The following ATP10D variants were observed in gnomAD, a reference collection of about 807,000 sequenced individuals.
The protein encoded by ATP10D is ATPase phospholipid transporting 10D (putative), also known as phospholipid-transporting ATPase VD.
A neutral mutation model predicts 144.8 loss-of-function variants in ATP10D; 89 were observed. That is an observed-to-expected ratio of 0.61 (90% CI 0.52 to 0.73). ATP10D has a LOEUF of 0.73. Among genes scored for constraint, ATP10D ranks in the 30% least tolerant of loss-of-function variants. ATP10D has a pLI of 0.00. For synonymous variants in ATP10D, 571 were observed against 615.1 expected (o/e 0.93, Z 1.06); for missense variants, 1,603 against 1,714.8 (o/e 0.93, Z 1.15).
intron 18 of ATP10D, among the ~76,000 whole-genome samples, chr4:47,575,600 C>A (rs372267233): frequency 6.6e-6 from 1 of 152,150 alleles, no homozygotes; most frequent in African/African-American, 2.4e-5. Context: ...CATGTCTGTG[C>A]CAGGCACTGG....
intron 10 of ATP10D, among the ~76,000 whole-genome samples, chr4:47,550,834 C>T (rs1048256541): frequency 5.9e-5 from 9 of 152,066 alleles, no homozygotes; most frequent in East Asian, 1.9e-4. Flanking sequence ...TGGAAGTCAG[C>T]GGCGGGTCTG....
chr4:47,523,164 A>T lies in ATP10D; in HGVS notation c.638A>T (p.Asp213Val). Residue 213 changes from aspartate to valine, a missense_variant, in exon 4 of 23, where the codon GAT becomes GTT. Transcript: ENST00000273859. The part of the protein sequence containing the change: ...GICHIETSGL[D>V]GESNLKQRQV... ...TGTCACATTGAGACTTCTGGTCTTG[A>T]TGGAGAGAGCAATTTAAAACAGAGG... is the stretch of plus-strand genomic sequence containing the variant. 1 of 1,614,060 alleles carries T rather than the reference A, an allele frequency of 6.2e-7. No individual in the cohort carries two copies. The highest frequency in any genetic ancestry group is 8.5e-7 in the Non-Finnish European group (1 of 1,180,002).
chr4:47,573,018 T>G (rs1463635588), intron 18 of ATP10D, 21 bp downstream of exon 18: 2 of 1,613,454 alleles, frequency 1.2e-6, no homozygotes, highest in Admixed American at 3.3e-5. Context: ...CCAGAGAATT[T>G]GTCCCTTTTC....
In ATP10D at chr4:47,515,615, C is replaced by G; in HGVS notation, c.430C>G (p.Arg144Gly). The change falls in exon 3 of 23, where the codon CGG becomes GGG. Residue 144 changes from arginine (R) to glycine (G), a missense_variant. Coordinates refer to ENST00000273859, the MANE Select transcript of ATP10D (RefSeq NM_020453.4). ...IAIKDGLEDY[R>G]KYKIDKQINN... is the part of the protein sequence containing the mutation. ...AATTAAAGATGGCCTGGAAGATTAT[C>G]GGAAATACAAAATTGACAAACAGAT... 2.5e-6 allele frequency: 4 copies of G among 1,612,096 alleles called. No homozygotes were observed. The highest frequency in any genetic ancestry group is 3.4e-6 in the Non-Finnish European group (4 of 1,178,388).
Position 47,591,397 on chromosome 4 carries a change from T to C in ATP10D, c.*16T>C. 2 of 1,551,290 alleles carry C rather than the reference T, an allele frequency of 1.3e-6. No individual in the cohort carries two copies. Among genetic ancestry groups the C allele is most frequent in the Non-Finnish European group, 1.7e-6 (2 of 1,147,384 alleles). ...AGAAAGCTAGATACCCTCCTTGGAG[T>C]TGCAAGTATTCTTTCAAGGTTGGAA... On this transcript the variant is annotated 3_prime_UTR_variant, in exon 23 of 23. Coordinates refer to ENST00000273859, the MANE Select transcript of ATP10D (RefSeq NM_020453.4).
At chr4:47,586,058 T>C (rs897697227) in intron 21 of ATP10D, among the ~76,000 whole-genome samples, 11 of 152,356 alleles carry the variant, frequency 7.2e-5, no homozygotes, top group African/African-American at 2.4e-4. Flanking sequence ...TTTAGTTTTT[T>C]GAGGAACCTC....
chr4:47,491,710 C>CCCTCCTTG (rs1451090112), intron 1 of ATP10D, among the ~76,000 whole-genome samples: 7 of 152,272 alleles, frequency 4.6e-5, no homozygotes, highest in African/African-American at 1.7e-4. Context: ...ACAGTCTCCA[C>CCCTCCTTG]CCTCCTTGCC....
At position 47,546,713 on chromosome 4, in the gene ATP10D, C is replaced by T. The variant is rs1178198907; in HGVS notation, c.1486C>T (p.Pro496Ser). Reference sequence around the variant, plus strand: ...TGGTTCCCTCAGCAATATGGCAAAACCGAGAGCCCCCAGCTGCAGGACAGT... The same window carrying T: ...TGGTTCCCTCAGCAATATGGCAAAATCGAGAGCCCCCAGCTGCAGGACAGT... The part of the protein sequence containing the change: ...VSGSLSNMAK[P>S]RAPSCRTVHN... The change falls in exon 10 of 23, where the codon CCG becomes TCG. Residue 496 changes from proline (P) to serine (S), a missense_variant. Pro to Ser is a moderately conservative substitution (Grantham distance 74, BLOSUM62 -1). Coordinates refer to ENST00000273859, the MANE Select transcript of ATP10D (RefSeq NM_020453.4). 5.6e-6 allele frequency: 9 copies of T among 1,614,074 alleles called. No homozygotes were observed. Among genetic ancestry groups the T allele is most frequent in the Non-Finnish European group, 6.8e-6 (8 of 1,179,972 alleles).
intron 1 of ATP10D, among the ~76,000 whole-genome samples, chr4:47,497,221 T>A (rs1715433883): frequency 6.6e-6 from 1 of 152,136 alleles, no homozygotes; most frequent in Admixed American, 6.5e-5. Flanking sequence ...TTTAGGAGGC[T>A]GAGGTGGGCA....
intron 19 of ATP10D, 61 bp from the exon 20 acceptor site, chr4:47,580,337 T>C (rs1720447381): frequency 1.5e-6 from 2 of 1,306,644 alleles, no homozygotes. Context: ...TGGCTTGTGT[T>C]GTTTCTTTTC....
chr4:47,536,047 G>T lies in ATP10D; in HGVS notation c.1015+14G>T. 1 of 1,595,998 alleles carries T rather than the reference G, an allele frequency of 6.3e-7. No homozygotes were observed. The highest frequency in any genetic ancestry group is 1.1e-5 in the South Asian group (1 of 87,230). On this transcript the variant is annotated intron_variant, in intron 7 of 22. Transcript: ENST00000273859. ...CTGGCGCAGTAGGTAGGTAAAATTT[G>T]ATTATTTGCTGACATCTTTTCAGCA...
In ATP10D at chr4:47,557,948, C is replaced by T; in HGVS notation, c.2109C>T (p.Gly703=). 1 of 1,614,176 alleles carries T rather than the reference C, an allele frequency of 6.2e-7. No individual in the cohort carries two copies. Among genetic ancestry groups the T allele is most frequent in the Non-Finnish European group, 8.5e-7 (1 of 1,180,030 alleles). ...TETEKQHGDA[G]LLNGKAESLP... is the part of the protein sequence containing the mutation. ...CAGAGAAACAACACGGTGATGCAGG[C>T]CTCCTGAATGGCAAGGCAGAGTCCC... Residue 703 remains glycine (G), a synonymous_variant, in exon 12 of 23, where the codon GGC becomes GGT. Coordinates refer to ENST00000273859, the MANE Select transcript of ATP10D (RefSeq NM_020453.4).
chr4:47,523,114 C>T lies in ATP10D; in HGVS notation c.588C>T (p.Leu196=). ...NEVIPADMVL[L]FSTDPDGICH... is the part of the protein sequence containing the mutation. ...TCATCCCTGCAGACATGGTACTACT[C>T]TTTTCCACTGATCCAGATGGAATCT... is the stretch of plus-strand genomic sequence containing the variant. The change falls in exon 4 of 23, where the codon CTC becomes CTT. Residue 196 remains leucine, a synonymous_variant. Transcript: ENST00000273859. 6.2e-7 allele frequency: 1 copy of T among 1,614,038 alleles called. No homozygotes were observed. Among genetic ancestry groups the T allele is most frequent in the Non-Finnish European group, 8.5e-7 (1 of 1,179,988 alleles).
At chr4:47,499,574 G>T (rs1035720965) in intron 1 of ATP10D, among the ~76,000 whole-genome samples, 1 of 152,098 alleles carries the variant, frequency 6.6e-6, no homozygotes, top group Non-Finnish European at 1.5e-5. Flanking sequence ...AAAACCTTAT[G>T]GAAATGCTTT....
intron 10 of ATP10D, among the ~76,000 whole-genome samples, chr4:47,553,656 T>C (rs1171608592): frequency 6.6e-6 from 1 of 152,222 alleles, no homozygotes; most frequent in African/African-American, 2.4e-5. Context: ...TTAAGTAAGC[T>C]GCCCAAGACC....
intron 18 of ATP10D, among the ~76,000 whole-genome samples, chr4:47,573,692 A>G (rs1310825638): frequency 6.6e-6 from 1 of 152,190 alleles, no homozygotes; most frequent in Admixed American, 6.5e-5. Flanking sequence ...TGGGGTAATT[A>G]TGTAAATATC....
chr4:47,560,729 AGTTAAAGG>A (rs1404644204), intron 13 of ATP10D, among the ~76,000 whole-genome samples: 1 of 152,158 alleles, frequency 6.6e-6, no homozygotes, highest in Non-Finnish European at 1.5e-5. Context: ...AGAGATGCTG[AGTTAAAGG>A]GTCATCCATC....
chr4:47,505,433 G>A (rs944441173), intron 1 of ATP10D, among the ~76,000 whole-genome samples: 1 of 152,132 alleles, frequency 6.6e-6, no homozygotes, highest in African/African-American at 2.4e-5. Flanking sequence ...CTAGCAGGGT[G>A]AGGTTCATGG....
intron 1 of ATP10D, among the ~76,000 whole-genome samples, chr4:47,494,820 A>G (rs1190312975): frequency 6.6e-6 from 1 of 152,210 alleles, no homozygotes; most frequent in East Asian, 1.9e-4. Context: ...TATGCCCTAC[A>G]TAAGTATAGG....
Sources: gnomAD v4.1 joint callset for allele counts (sites outside exome capture counted in the v4.1 genomes callset) on GRCh38, gnomAD v4.1.1 for gene constraint, MANE v1.5 for transcripts, NCBI Gene and HGNC (gene_info 2026-07-23, HGNC 2026-07-21) for gene names.